The following LRRTM4 variants were observed in gnomAD, a reference collection of about 807,000 sequenced individuals.
The protein encoded by LRRTM4 is leucine rich repeat transmembrane neuronal 4.
A neutral mutation model predicts 47.6 loss-of-function variants in LRRTM4; 25 were observed. The observed-to-expected ratio is 0.53, with a 90% confidence interval of 0.38 to 0.73. The LOEUF (loss-of-function observed/expected upper bound fraction) is 0.73. LRRTM4 is among the 30% of genes least tolerant of loss of function. LRRTM4 has a pLI of 0.00. For missense variants in LRRTM4, 638 were observed against 713.4 expected (o/e 0.89, Z 1.20); for synonymous variants, 311 against 269.5 (o/e 1.15, Z -1.51).
chr2:77,504,885 A>C (rs1678710082), intron 3 of LRRTM4, among the ~76,000 whole-genome samples: 1 of 151,500 alleles, frequency 6.6e-6, no homozygotes. Context: ...TCAAAGACAT[A>C]AAAGAAAAAT....
intron 3 of LRRTM4, among the ~76,000 whole-genome samples, chr2:76,891,777 G>C (rs1673262960): frequency 6.6e-6 from 1 of 151,558 alleles, no homozygotes; most frequent in African/African-American, 2.4e-5. Flanking sequence ...GGAAAACATA[G>C]ATGAATTGAT....
chr2:77,031,803 G>C (rs1032097529), intron 3 of LRRTM4, among the ~76,000 whole-genome samples: 1 of 152,102 alleles, frequency 6.6e-6, no homozygotes, highest in Admixed American at 6.6e-5. Flanking sequence ...TTAATATAGT[G>C]AATTATACTT....
At chr2:76,804,613 A>G (rs1263702394) in intron 3 of LRRTM4, among the ~76,000 whole-genome samples, 1 of 148,558 alleles carries the variant, frequency 6.7e-6, no homozygotes, top group Non-Finnish European at 1.5e-5. Flanking sequence ...CATACTATAC[A>G]TATGCATAGT....
chr2:77,249,067 G>A (rs1405493061), intron 3 of LRRTM4, among the ~76,000 whole-genome samples: 3 of 151,978 alleles, frequency 2.0e-5, no homozygotes, highest in Admixed American at 1.3e-4. Context: ...AAAAATTTGG[G>A]GGCCTGGCGC....
At chr2:76,904,844 T>C (rs1673768314) in intron 3 of LRRTM4, among the ~76,000 whole-genome samples, 1 of 152,206 alleles carries the variant, frequency 6.6e-6, no homozygotes, top group Non-Finnish European at 1.5e-5. Flanking sequence ...ACATGAGCTA[T>C]TCACTTGTCA....
intron 3 of LRRTM4, among the ~76,000 whole-genome samples, chr2:77,291,241 A>G (rs1299762832): frequency 6.6e-6 from 1 of 152,100 alleles, no homozygotes; most frequent in Non-Finnish European, 1.5e-5. Flanking sequence ...GTTAATAAAA[A>G]TTGTAATAGA....
intron 3 of LRRTM4, among the ~76,000 whole-genome samples, chr2:77,149,950 G>A (rs1404494220): frequency 6.6e-6 from 1 of 152,118 alleles, no homozygotes; most frequent in African/African-American, 2.4e-5. Context: ...GATAATCAGT[G>A]TGGTCCTCTT....
At chr2:76,783,865 A>T (rs963673756) in intron 3 of LRRTM4, among the ~76,000 whole-genome samples, 2 of 152,178 alleles carry the variant, frequency 1.3e-5, no homozygotes, top group Non-Finnish European at 2.9e-5. Flanking sequence ...TCAGAGTAAG[A>T]TGGGAGAAGA....
At chr2:77,431,218 A>G (rs940841085) in intron 3 of LRRTM4, among the ~76,000 whole-genome samples, 1 of 149,096 alleles carries the variant, frequency 6.7e-6, no homozygotes, top group Non-Finnish European at 1.5e-5. Flanking sequence ...TTGTCTTTCT[A>G]TAGAACCCTG....
intron 3 of LRRTM4, among the ~76,000 whole-genome samples, chr2:76,883,716 A>C (rs540543058): frequency 6.6e-6 from 1 of 152,308 alleles, no homozygotes; most frequent in East Asian, 1.9e-4. Flanking sequence ...ACAGTCACTG[A>C]AAATTTTGCT....
intron 3 of LRRTM4, among the ~76,000 whole-genome samples, chr2:77,504,018 G>A (rs890317955): frequency 1.3e-5 from 2 of 151,568 alleles, no homozygotes; most frequent in Non-Finnish European, 3.0e-5. Flanking sequence ...AGAATCTTTT[G>A]TAAAGATTTT....
chr2:77,091,518 TATC>T (rs1235039998), intron 3 of LRRTM4, among the ~76,000 whole-genome samples: 1 of 151,072 alleles, frequency 6.6e-6, no homozygotes, highest in Non-Finnish European at 1.5e-5. Context: ...ATCTGCGCCT[TATC>T]AACCAAATTG....
At chr2:76,947,483 T>G (rs1675360355) in intron 3 of LRRTM4, among the ~76,000 whole-genome samples, 1 of 151,906 alleles carries the variant, frequency 6.6e-6, no homozygotes, top group South Asian at 2.1e-4. Flanking sequence ...AAGCTCTGTT[T>G]TATTAATATC....
intron 3 of LRRTM4, among the ~76,000 whole-genome samples, chr2:76,968,096 GATCT>G (rs900272136): frequency 3.3e-5 from 5 of 150,700 alleles, no homozygotes; most frequent in Admixed American, 6.6e-5. Context: ...ATATCGCACA[GATCT>G]ATCTGTGATT....
At chr2:77,108,334 G>T (rs544834917) in intron 3 of LRRTM4, among the ~76,000 whole-genome samples, 6 of 152,078 alleles carry the variant, frequency 3.9e-5, no homozygotes, top group Admixed American at 2.0e-4. Context: ...AGAACAAGAA[G>T]AAGTCATTGT....
chr2:77,318,262 T>C (rs1225454927), intron 3 of LRRTM4, among the ~76,000 whole-genome samples: 1 of 152,162 alleles, frequency 6.6e-6, no homozygotes, highest in African/African-American at 2.4e-5. Context: ...AGCCTTGGCC[T>C]CCCAAAGTGT....
At chr2:76,881,728 T>C (rs1457592931) in intron 3 of LRRTM4, among the ~76,000 whole-genome samples, 2 of 152,112 alleles carry the variant, frequency 1.3e-5, no homozygotes, top group African/African-American at 2.4e-5. Flanking sequence ...ACTCTTCCTG[T>C]TATATAACAG....
At chr2:77,416,566 G>A (rs530993149) in intron 3 of LRRTM4, among the ~76,000 whole-genome samples, 19 of 152,044 alleles carry the variant, frequency 1.2e-4, no homozygotes, top group African/African-American at 4.3e-4. Flanking sequence ...TAAAAAATCA[G>A]ATATTTCTGG....
chr2:77,316,823 T>C (rs1677632826), intron 3 of LRRTM4, among the ~76,000 whole-genome samples: 1 of 152,204 alleles, frequency 6.6e-6, no homozygotes, highest in Non-Finnish European at 1.5e-5. Flanking sequence ...TGAGATTATA[T>C]GCGTGAGCCA....
Sources: gnomAD v4.1 joint callset for allele counts (sites outside exome capture counted in the v4.1 genomes callset) on GRCh38, gnomAD v4.1.1 for gene constraint, MANE v1.5 for transcripts, NCBI Gene and HGNC (gene_info 2026-07-23, HGNC 2026-07-21) for gene names.